The following PPP3CA variants were observed in gnomAD, a reference collection of about 807,000 sequenced individuals.
The protein encoded by PPP3CA is protein phosphatase 3 catalytic subunit alpha, also known as CAM-PRP catalytic subunit.
Under a neutral mutation model 66.5 loss-of-function variants are expected in PPP3CA, and 14 were observed. The observed-to-expected ratio is 0.21, with a 90% CI of 0.14 to 0.33. PPP3CA has a LOEUF of 0.33. Among genes scored for constraint, PPP3CA ranks in the 10% least tolerant of loss-of-function variants. The probability of loss-of-function intolerance (pLI) is 1.00; values close to 1 mark genes in which losing one functional copy is unlikely to be tolerated. For missense variants in PPP3CA, 317 were observed against 639.5 expected, an observed-to-expected ratio of 0.50 and a Z score of 5.44; for synonymous variants, 232 against 226.2, an observed-to-expected ratio of 1.03 and a Z score of -0.23.
At chr4:101,128,613 G>A (rs113980390) in intron 2 of PPP3CA, among the ~76,000 whole-genome samples, 14 of 151,634 alleles carry the variant, frequency 9.2e-5, no homozygotes, top group South Asian at 6.3e-4. Context: ...GAAGCAGGGC[G>A]GGGCGTCACC....
At chr4:101,232,398 A>G (rs1162346898) in intron 1 of PPP3CA, among the ~76,000 whole-genome samples, 1 of 151,684 alleles carries the variant, frequency 6.6e-6, no homozygotes, top group Admixed American at 6.6e-5. Context: ...ATTTTTGGCC[A>G]CTGGGCAAAG....
chr4:101,068,704 C>A (rs1408430653), intron 8 of PPP3CA, among the ~76,000 whole-genome samples: 6 of 151,860 alleles, frequency 4.0e-5, no homozygotes, highest in African/African-American at 1.2e-4. Context: ...TCCTTTTTTT[C>A]CCCTTCAATG....
chr4:101,104,980 A>G (rs17030758), intron 3 of PPP3CA, among the ~76,000 whole-genome samples: 21,494 of 152,106 alleles, frequency 0.14, 3,166 homozygotes, highest in African/African-American at 0.37. Context: ...TAAATGCCCC[A>G]TAATTCCTAC....
chr4:101,250,279 A>G (rs980714485), intron 1 of PPP3CA: 5 of 449,040 alleles, frequency 1.1e-5, no homozygotes, highest in South Asian at 3.2e-5. Flanking sequence ...TTACAGTCAG[A>G]CAGACCTGAA....
At chr4:101,254,443 A>G (rs1726776414) in intron 1 of PPP3CA, among the ~76,000 whole-genome samples, 1 of 151,976 alleles carries the variant, frequency 6.6e-6, no homozygotes, top group Non-Finnish European at 1.5e-5. Flanking sequence ...AAATTTTTTT[A>G]AAAGCAAGAG....
At chr4:101,140,688 C>A (rs988002810) in intron 2 of PPP3CA, among the ~76,000 whole-genome samples, 2 of 151,972 alleles carry the variant, frequency 1.3e-5, no homozygotes, top group African/African-American at 4.8e-5. Flanking sequence ...TATCTGTGAC[C>A]AAGTTATAAA....
chr4:101,137,650 C>T (rs142251618), intron 2 of PPP3CA, among the ~76,000 whole-genome samples: 1 of 152,288 alleles, frequency 6.6e-6, no homozygotes. Context: ...TCTCTCTGGT[C>T]TAGGTGTCTG....
intron 1 of PPP3CA, among the ~76,000 whole-genome samples, chr4:101,238,752 T>C (rs1560674720): frequency 6.6e-6 from 1 of 152,096 alleles, no homozygotes; most frequent in Non-Finnish European, 1.5e-5. Flanking sequence ...TCAATTCTAA[T>C]GGATGTAAAA....
chr4:101,171,581 C>T (rs556056093), intron 2 of PPP3CA, among the ~76,000 whole-genome samples: 6 of 152,182 alleles, frequency 3.9e-5, no homozygotes, highest in African/African-American at 1.4e-4. Context: ...GAAACTGGAA[C>T]ATGGAAAGGT....
At chr4:101,182,165 A>T (rs1024750963) in intron 2 of PPP3CA, among the ~76,000 whole-genome samples, 1 of 152,166 alleles carries the variant, frequency 6.6e-6, no homozygotes. Context: ...ATTGGTATTA[A>T]ACAAAATCAA....
chr4:101,217,977 A>G (rs1232648305), intron 1 of PPP3CA, among the ~76,000 whole-genome samples: 1 of 152,100 alleles, frequency 6.6e-6, no homozygotes, highest in Non-Finnish European at 1.5e-5. Context: ...CACATATCAT[A>G]ATAAAAGACT....
chr4:101,144,231 T>C (rs933188431), intron 2 of PPP3CA, among the ~76,000 whole-genome samples: 54 of 152,196 alleles, frequency 3.5e-4, no homozygotes, highest in Admixed American at 3.5e-3. Context: ...AATAGTAACA[T>C]ATACCACATA....
At chr4:101,343,415 GTATCA>G (rs1187145587) in intron 1 of PPP3CA, among the ~76,000 whole-genome samples, 1 of 152,166 alleles carries the variant, frequency 6.6e-6, no homozygotes, top group African/African-American at 2.4e-5. Context: ...GGCCTGTAGA[GTATCA>G]CTAAGAGAAA....
At chr4:101,171,155 T>C (rs1302461104) in intron 2 of PPP3CA, 1 of 455,706 alleles carries the variant, frequency 2.2e-6, no homozygotes, top group Admixed American at 2.4e-5. Flanking sequence ...ATGTGTGAAA[T>C]CTCCTTTCTG....
chr4:101,222,249 T>C (rs558381752), intron 1 of PPP3CA, among the ~76,000 whole-genome samples: 1 of 151,744 alleles, frequency 6.6e-6, no homozygotes, highest in South Asian at 2.1e-4. Context: ...TTTCCTTTAG[T>C]TAGGAGAGAA....
intron 2 of PPP3CA, among the ~76,000 whole-genome samples, chr4:101,119,984 T>A (rs1212638951): frequency 6.6e-6 from 1 of 152,148 alleles, no homozygotes; most frequent in East Asian, 1.9e-4. Flanking sequence ...TAATTGTGAA[T>A]TGATAAATTA....
At chr4:101,193,241 A>C (rs145447792) in intron 2 of PPP3CA, among the ~76,000 whole-genome samples, 1,603 of 152,306 alleles carry the variant, frequency 0.011, 22 homozygotes, top group Non-Finnish European at 0.012. Context: ...TGTATAATAA[A>C]CATTTCATTA....
intron 2 of PPP3CA, among the ~76,000 whole-genome samples, chr4:101,156,805 C>T (rs190832016): frequency 6.6e-6 from 1 of 152,308 alleles, no homozygotes; most frequent in East Asian, 1.9e-4. Context: ...TGGCCTGAAA[C>T]CAGTTTCATG....
At chr4:101,306,531 G>C (rs752327345) in intron 1 of PPP3CA, among the ~76,000 whole-genome samples, 1 of 152,018 alleles carries the variant, frequency 6.6e-6, no homozygotes, top group Non-Finnish European at 1.5e-5. Context: ...AGATATATGA[G>C]CTACAGAAAA....
Sources: allele counts gnomAD v4.1 joint callset (sites outside exome capture counted in the v4.1 genomes callset), GRCh38; gene constraint gnomAD v4.1.1; transcripts MANE v1.5; gene names NCBI Gene and HGNC (gene_info 2026-07-23, HGNC 2026-07-21).